COL9A1: variants seen among roughly 807,000 people sequenced by gnomAD.
The protein encoded by COL9A1 is collagen type IX alpha 1 chain.
A neutral mutation model predicts 142.6 loss-of-function variants in COL9A1; 104 were observed. The ratio of observed to expected loss-of-function variants is 0.73; its 90% CI spans 0.62 to 0.86. COL9A1 has a LOEUF of 0.86. COL9A1 is among the 40% of genes least tolerant of loss of function. The pLI is 0.00. For missense variants in COL9A1, 1,210 were observed against 1,176.6 expected (o/e 1.03, Z -0.42); for synonymous variants, 466 against 396.0 (o/e 1.18, Z -2.10).
At chr6:70,242,609 TA>T in intron 29 of COL9A1, 52 bp downstream of exon 29, 1 of 1,484,096 alleles carries the variant, frequency 6.7e-7, no homozygotes. Context: ...TGCTTATTTT[TA>T]AAAATGCATT....
rs1202967486 is a variant in COL9A1, at chr6:70,234,916, A to C, written c.2137T>G (p.Leu713Val). 2 of 1,614,174 alleles carry C rather than the reference A, an allele frequency of 1.2e-6. No homozygotes were observed. Among genetic ancestry groups the C allele is most frequent in the South Asian group, 1.1e-5 (1 of 91,084 alleles). The change falls in exon 34 of 38, where the codon TTG (leucine) becomes GTG (valine). Residue 713 changes from leucine to valine, a missense_variant. Transcript: ENST00000357250. ...GSAGNPGEPG[L>V]RGPEGSRGLP... ...CCCCGACTTCCCTCAGGCCCTCTCA[A>C]GCCAGGTTCCCCAGGATTACCTGCC...
chr6:70,237,104 T>C (rs1769958081), intron 33 of COL9A1, among the ~76,000 whole-genome samples: 1 of 152,212 alleles, frequency 6.6e-6, no homozygotes, highest in Non-Finnish European at 1.5e-5. Context: ...ATTACAGGCA[T>C]GAGCCACCTT....
intron 36 of COL9A1, among the ~76,000 whole-genome samples, chr6:70,228,775 G>T (rs532846742): frequency 6.6e-6 from 1 of 151,896 alleles, no homozygotes; most frequent in African/African-American, 2.4e-5. Flanking sequence ...ATACTATGAC[G>T]GATTGAACTC....
At chr6:70,265,639 A>G (rs1382409315) in intron 18 of COL9A1, among the ~76,000 whole-genome samples, 1 of 152,050 alleles carries the variant, frequency 6.6e-6, no homozygotes, top group Non-Finnish European at 1.5e-5. Context: ...GAAATTTCCA[A>G]AGCACTTGGG....
At chr6:70,289,214 C>CAG (rs1220214248) in intron 5 of COL9A1, among the ~76,000 whole-genome samples, 1 of 152,128 alleles carries the variant, frequency 6.6e-6, no homozygotes, top group South Asian at 2.1e-4. Context: ...ACTAACCAAG[C>CAG]AGAGATTAAC....
chr6:70,254,566 A>G, intron 24 of COL9A1, 37 bp from the exon 25 acceptor site: 11 of 1,596,768 alleles, frequency 6.9e-6, no homozygotes, highest in Non-Finnish European at 9.4e-6. Context: ...TTGAACCTGT[A>G]TGAGCTGCTG....
In COL9A1 at chr6:70,232,705, C is replaced by T. The variant is rs765684676; in HGVS notation, c.2381G>A (p.Arg794Lys). The T allele has an allele frequency of 6.2e-7, 1 of 1,614,010 alleles. No individual in the cohort carries two copies. The highest frequency in any genetic ancestry group is 8.5e-7 in the Non-Finnish European group (1 of 1,180,018). ...GCCGGGGGGACCAGGAGGGCCAGGC[C>T]TTCCAGGAAGCCCAGTGGCACCTGA... ...PDSGATGLPGRPGPPGPPGPP... is the reference protein window; with the variant it reads ...PDSGATGLPGKPGPPGPPGPP... Residue 794 changes from arginine (R) to lysine (K), a missense_variant, in exon 36 of 38, where the codon AGG (arginine) becomes AAG (lysine). Arg to Lys is a conservative substitution (Grantham distance 26). Coordinates refer to ENST00000357250, the MANE Select transcript of COL9A1 (RefSeq NM_001851.6).
chr6:70,281,417 AGG>A lies in COL9A1; in HGVS notation c.847_848del (p.Pro283TrpfsTer11). ...CGATGCCATCGATGCCTGGAACTCC[AGG>A]GGGGCCCGGAGGCCCGGGAGGACCC... ...EQGPPGPPGP[P>X]GVPGIDGIDG... On this transcript the variant is annotated frameshift_variant, in exon 8 of 38. Transcript: ENST00000357250. LOFTEE classifies it high-confidence loss of function. The A allele has an allele frequency of 1.9e-6, 3 of 1,611,892 alleles. No homozygotes were observed. Among genetic ancestry groups the A allele is most frequent in the Non-Finnish European group, 2.5e-6 (3 of 1,179,216 alleles).
chr6:70,294,162 C>A lies in COL9A1; in HGVS notation c.696+5G>T. 2 of 1,613,934 alleles carry A rather than the reference C, an allele frequency of 1.2e-6. No homozygotes were observed. Among genetic ancestry groups the A allele is most frequent in the Non-Finnish European group, 1.7e-6 (2 of 1,179,866 alleles). On this transcript the variant is annotated splice_donor_5th_base_variant and intron_variant, in intron 5 of 37. Transcript: ENST00000357250. Reference sequence around the variant, plus strand: ...ATCTGCCATAGTGTGTGGTTTTATACTTACTGGAACAGAAACTTGAGGATT... The same window carrying A: ...ATCTGCCATAGTGTGTGGTTTTATAATTACTGGAACAGAAACTTGAGGATT...
rs77849671 is a variant in COL9A1, at chr6:70,217,312, T to A, written c.2582-231A>T. Among the ~76,000 whole-genome samples the A allele has an allele frequency of 7.3e-3, 1,112 of 152,256 alleles. 20 individuals are homozygous for A. The highest frequency in any genetic ancestry group is 0.025 in the African/African-American group (1,057 of 41,550). On this transcript the variant is annotated intron_variant, in intron 37 of 37. Transcript: ENST00000357250. Reference sequence around the variant, plus strand: ...AAGCAGAAAGAGACCTCAGTGTCTCTAACCCCCATTTCCATCAGTAGAGCT... The same window carrying A: ...AAGCAGAAAGAGACCTCAGTGTCTCAAACCCCCATTTCCATCAGTAGAGCT...
chr6:70,268,967 T>C, intron 16 of COL9A1, 107 bp from the exon 17 acceptor site: 1 of 830,758 alleles, frequency 1.2e-6, no homozygotes, highest in Non-Finnish European at 2.0e-6. Flanking sequence ...GTTACAGAAC[T>C]CCATTGCAAT....
At chr6:70,226,774 T>A (rs1562287652) in intron 36 of COL9A1, among the ~76,000 whole-genome samples, 1 of 151,970 alleles carries the variant, frequency 6.6e-6, no homozygotes, top group East Asian at 1.9e-4. Context: ...TATTGCCAGT[T>A]CTCCCCAAGC....
chr6:70,219,812 A>C (rs1189963197), intron 37 of COL9A1, among the ~76,000 whole-genome samples: 1 of 152,188 alleles, frequency 6.6e-6, no homozygotes, highest in Non-Finnish European at 1.5e-5. Context: ...AAATGTTAGC[A>C]ACTAATTCAA....
chr6:70,237,761 A>C (rs1770003018), intron 33 of COL9A1, among the ~76,000 whole-genome samples: 1 of 152,234 alleles, frequency 6.6e-6, no homozygotes, highest in East Asian at 1.9e-4. Context: ...TAAAAATGTT[A>C]CTTGAAACTT....
At chr6:70,231,390 G>T (rs1769532732) in intron 36 of COL9A1, among the ~76,000 whole-genome samples, 1 of 152,128 alleles carries the variant, frequency 6.6e-6, no homozygotes, top group Non-Finnish European at 1.5e-5. Context: ...GGACAAAGAT[G>T]AATAGGTATG....
intron 18 of COL9A1, 110 bp from the exon 19 acceptor site, chr6:70,263,407 T>C (rs1006457784): frequency 1.3e-6 from 1 of 797,540 alleles, no homozygotes; most frequent in Non-Finnish European, 2.0e-6. Context: ...TGGTGACTCC[T>C]GAATTATTCT....
In COL9A1 at chr6:70,283,788, G is replaced by T; in HGVS notation, c.729C>A (p.Asp243Glu). The change falls in exon 6 of 38, where the codon GAC (aspartate) becomes GAA (glutamate). Residue 243 changes from aspartate (D) to glutamate (E), a missense_variant. Physicochemically the swap from Asp to Glu is conservative, Grantham distance 45 (BLOSUM62 2). Coordinates refer to ENST00000357250, the MANE Select transcript of COL9A1 (RefSeq NM_001851.6). ...FELQWMLIHC[D>E]PLRPRRETCH... ...AAGTTTCTCTCCTGGGCCGCAGGGG[G>T]TCACAATGGATCAGCATCCATTGAA... is the stretch of plus-strand genomic sequence containing the variant. 1 of 1,611,172 alleles carries T rather than the reference G, an allele frequency of 6.2e-7. No individual in the cohort carries two copies.
chr6:70,263,026 T>C, intron 19 of COL9A1, among the ~76,000 whole-genome samples: 1 of 152,142 alleles, frequency 6.6e-6, no homozygotes, highest in East Asian at 1.9e-4. Flanking sequence ...AAATTATAGG[T>C]AGAATTTTTC....
rs141366714 is a variant in COL9A1, at chr6:70,273,360, A to G, written c.1065+687T>C. On this transcript the variant is annotated intron_variant, in intron 12 of 37. Coordinates refer to ENST00000357250, the MANE Select transcript of COL9A1 (RefSeq NM_001851.6). ...GAGATTAAGAGTTGAGTTGAAAAAT[A>G]TGGGAGAAAGGCCAGCAAGCTGTTC... Among the ~76,000 whole-genome samples the G allele has an allele frequency of 3.9e-5, 6 of 152,334 alleles. No homozygotes were observed. The East Asian group carries it at 9.6e-4, about 24-fold the overall frequency.
Sources: gnomAD v4.1 joint callset for allele counts (sites outside exome capture counted in the v4.1 genomes callset) on GRCh38, gnomAD v4.1.1 for gene constraint, MANE v1.5 for transcripts, NCBI Gene and HGNC (gene_info 2026-07-23, HGNC 2026-07-21) for gene names.